ANOS1: variants seen among roughly 807,000 people sequenced by gnomAD.
The protein encoded by ANOS1 is anosmin 1.
A neutral mutation model predicts 59.0 loss-of-function variants in ANOS1; 6 were observed. The ratio of observed to expected loss-of-function variants is 0.10; its 90% confidence interval spans 0.06 to 0.20. The LOEUF (loss-of-function observed/expected upper bound fraction) is 0.20. Among genes scored for constraint, ANOS1 ranks in the 10% least tolerant of loss-of-function variants. The probability of loss-of-function intolerance (pLI) is 1.00; values close to 1 mark genes in which losing one functional copy is unlikely to be tolerated. For missense variants in ANOS1, 433 were observed against 542.3 expected (o/e 0.80, Z 2.00); for synonymous variants, 217 against 223.4 (o/e 0.97, Z 0.25).
chrX:8,649,718 A>G (rs1017120991), intron 2 of ANOS1, among the ~76,000 whole-genome samples: 3 of 111,915 alleles, frequency 2.7e-5, no homozygotes, highest in African/African-American at 9.8e-5. Flanking sequence ...CAATGGTAAC[A>G]ATCATCTCAA....
intron 2 of ANOS1, among the ~76,000 whole-genome samples, chrX:8,636,140 A>G (rs776797716): frequency 8.9e-6 from 1 of 111,813 alleles, no homozygotes; most frequent in Non-Finnish European, 1.9e-5. Flanking sequence ...TTAAAAGCTT[A>G]TGCTCATCTA....
At chrX:8,587,098 A>G (rs1930528398) in intron 5 of ANOS1, among the ~76,000 whole-genome samples, 1 of 100,363 alleles carries the variant, frequency 1.0e-5, no homozygotes, top group Non-Finnish European at 2.1e-5. Flanking sequence ...AGAATCTGTT[A>G]CTTTTTATAT....
chrX:8,550,761 GAGA>G (rs1569045940), intron 9 of ANOS1, among the ~76,000 whole-genome samples: 2 of 107,762 alleles, frequency 1.9e-5, no homozygotes, highest in African/African-American at 6.7e-5. Flanking sequence ...TGATGTATCA[GAGA>G]AGGAGATCAG....
At chrX:8,586,596 T>C (rs777281573) in intron 5 of ANOS1, among the ~76,000 whole-genome samples, 16 of 112,038 alleles carry the variant, frequency 1.4e-4, no homozygotes, top group Non-Finnish European at 3.8e-5. Context: ...GTCTTATTGC[T>C]GGTTACTTTC....
chrX:8,732,050 G>C lies in ANOS1; in HGVS notation c.-14C>G, dbSNP rs1261046975. 1 of 923,230 alleles carries C rather than the reference G, an allele frequency of 1.1e-6. No individual in the cohort carries two copies. Among genetic ancestry groups the C allele is most frequent in the African/African-American group, 2.1e-5 (1 of 47,832 alleles). 76.1% of individuals were successfully genotyped at this position (923,230 alleles called of 1,213,427 possible). Reference sequence around the variant, plus strand: ...CCCGGGCACCATGGCTGCGGGTCGAGGGCGAGGGCGAGGGCGCCGGGCGCG... The same window carrying C: ...CCCGGGCACCATGGCTGCGGGTCGACGGCGAGGGCGAGGGCGCCGGGCGCG... On this transcript the variant is annotated 5_prime_UTR_variant, in exon 1 of 14. Coordinates refer to ENST00000262648, the MANE Select transcript of ANOS1 (RefSeq NM_000216.4).
At chrX:8,551,318 C>A (rs978531159) in intron 9 of ANOS1, among the ~76,000 whole-genome samples, 2 of 111,346 alleles carry the variant, frequency 1.8e-5, no homozygotes, top group East Asian at 5.6e-4. Flanking sequence ...CTAAAGGAAA[C>A]AAAATGATGA....
chrX:8,584,856 G>A (rs993710635), intron 6 of ANOS1, among the ~76,000 whole-genome samples: 4 of 111,793 alleles, frequency 3.6e-5, no homozygotes, highest in African/African-American at 9.8e-5. Context: ...TGAAGCAAAC[G>A]TAGGAGTCAA....
At chrX:8,704,203 ATC>A (rs1410320292) in intron 1 of ANOS1, among the ~76,000 whole-genome samples, 2 of 110,986 alleles carry the variant, frequency 1.8e-5, no homozygotes, top group Non-Finnish European at 3.8e-5. Context: ...AGTCCATTAA[ATC>A]TCTTTTTCTT....
Position 8,550,269 on chromosome X carries a change from A to T in ANOS1, c.1354+3683T>A, listed in dbSNP as rs189427131. Among the ~76,000 whole-genome samples the T allele has an allele frequency of 3.4e-3, 379 of 111,685 alleles. 1 individual carries two copies. The highest frequency in any genetic ancestry group is 0.012 in the African/African-American group (368 of 30,850). ...CTATAATAGGATAAAAATAAACACA[A>T]ATACCTTGGAAAAATCATATTAAAA... On this transcript the variant is annotated intron_variant, in intron 9 of 13. Coordinates refer to ENST00000262648, the MANE Select transcript of ANOS1 (RefSeq NM_000216.4).
chrX:8,639,577 GCTTCT>G (rs1257384302), intron 2 of ANOS1, among the ~76,000 whole-genome samples: 1 of 111,705 alleles, frequency 9.0e-6, no homozygotes, highest in Non-Finnish European at 1.9e-5. Context: ...TTTACAGAAT[GCTTCT>G]CTTCTGCTTC....
intron 3 of ANOS1, among the ~76,000 whole-genome samples, chrX:8,600,310 C>G (rs1930819139): frequency 8.9e-6 from 1 of 112,156 alleles, no homozygotes; most frequent in Non-Finnish European, 1.9e-5. Flanking sequence ...AGCATTAGTA[C>G]TTCATTACAA....
At chrX:8,570,969 G>A (rs1296645955) in intron 6 of ANOS1, among the ~76,000 whole-genome samples, 3 of 109,132 alleles carry the variant, frequency 2.7e-5, no homozygotes, top group Non-Finnish European at 5.7e-5. Flanking sequence ...AAATTAGCTG[G>A]GCAGGGTGGT....
At chrX:8,707,721 C>A (rs932278545) in intron 1 of ANOS1, among the ~76,000 whole-genome samples, 11 of 111,432 alleles carry the variant, frequency 9.9e-5, no homozygotes, top group Middle Eastern at 4.7e-3. Context: ...TATACAAATA[C>A]CACACCATTT....
At chrX:8,585,231 T>C (rs1279497000) in intron 6 of ANOS1, 36 bp downstream of exon 6, 1 of 1,194,740 alleles carries the variant, frequency 8.4e-7, no homozygotes, top group South Asian at 1.8e-5. Flanking sequence ...GTAGCAAGGA[T>C]AGTATTCTGT....
At chrX:8,548,356 A>G (rs1929803677) in intron 9 of ANOS1, among the ~76,000 whole-genome samples, 1 of 112,227 alleles carries the variant, frequency 8.9e-6, no homozygotes, top group African/African-American at 3.2e-5. Flanking sequence ...TTTTTACACA[A>G]TGTTCTTTTT....
chrX:8,562,504 T>C lies in ANOS1; in HGVS notation c.1207+5728A>G, dbSNP rs189957237. 5.8e-3 allele frequency among the ~76,000 whole-genome samples: 650 copies of C among 111,936 alleles called. 5 individuals carry two copies. Among genetic ancestry groups the C allele is most frequent in the Middle Eastern group, 0.051 (11 of 217 alleles). ...TATCTACAATATTCTGAAAAAGTTATGATGTCTGATTTACACTCGATAGTC... is the reference window on the plus strand; with the variant it reads ...TATCTACAATATTCTGAAAAAGTTACGATGTCTGATTTACACTCGATAGTC... On this transcript the variant is annotated intron_variant, in intron 8 of 13. Transcript: ENST00000262648.
intron 2 of ANOS1, among the ~76,000 whole-genome samples, chrX:8,631,154 C>T (rs1038319691): frequency 4.5e-5 from 5 of 112,032 alleles, no homozygotes; most frequent in Admixed American, 1.9e-4. Flanking sequence ...GTCCAGGGTA[C>T]GTACAAGGAG....
chrX:8,562,815 A>G (rs1051005100), intron 8 of ANOS1, among the ~76,000 whole-genome samples: 7 of 112,549 alleles, frequency 6.2e-5, no homozygotes, highest in Non-Finnish European at 1.1e-4. Context: ...ATGAACATTC[A>G]GCCTTCACTT....
intron 1 of ANOS1, among the ~76,000 whole-genome samples, chrX:8,723,908 T>C (rs1276105618): frequency 5.4e-5 from 6 of 111,971 alleles, no homozygotes; most frequent in Non-Finnish European, 1.1e-4. Context: ...TACAGCTATT[T>C]CAAGCTTGCC....
Sources: gnomAD v4.1 joint callset for allele counts (sites outside exome capture counted in the v4.1 genomes callset) on GRCh38, gnomAD v4.1.1 for gene constraint, MANE v1.5 for transcripts, NCBI Gene and HGNC (gene_info 2026-07-23, HGNC 2026-07-21) for gene names.